Variants in HS2ST1 observed in about 807,000 individuals in gnomAD.
The protein encoded by HS2ST1 is heparan sulfate 2-O-sulfotransferase 1.
A neutral mutation model predicts 42.9 loss-of-function variants in HS2ST1; 18 were observed. The ratio of observed to expected loss-of-function variants is 0.42; its 90% CI spans 0.29 to 0.62. HS2ST1 has a LOEUF of 0.62. Among genes scored for constraint, HS2ST1 ranks in the 20% least tolerant of loss-of-function variants. The probability of loss-of-function intolerance (pLI) is 0.21; values close to 1 mark genes in which losing one functional copy is unlikely to be tolerated. For synonymous variants in HS2ST1, 146 were observed against 152.9 expected (o/e 0.95, Z 0.33); for missense variants, 334 against 433.8 (o/e 0.77, Z 2.04).
chr1:86,935,546 A>T (rs1423756970), intron 1 of HS2ST1, among the ~76,000 whole-genome samples: 4 of 133,592 alleles, frequency 3.0e-5, no homozygotes, highest in South Asian at 2.3e-4. Context: ...CACTGCAACC[A>T]CTGTCTCCAG....
intron 1 of HS2ST1, among the ~76,000 whole-genome samples, chr1:86,942,121 T>C (rs1382766245): frequency 6.6e-6 from 1 of 152,218 alleles, no homozygotes; most frequent in Non-Finnish European, 1.5e-5. Context: ...ACCTAGGCTA[T>C]AAGGAGACAC....
At position 87,073,148 on chromosome 1, in the gene HS2ST1, TC is replaced by T; in HGVS notation, c.341del (p.Pro114GlnfsTer2). The stretch of plus-strand genomic sequence containing the variant: ...TTCATATCAACACTACCAAAAATAA[TC>T]CAGTGATGTCATTGCAAGATCAGGT... Reference protein sequence around the residue: ...VLHINTTKNNPVMSLQDQVRF... With the variant: ...VLHINTTKNNXVMSLQDQVRF... On this transcript the variant is annotated frameshift_variant, in exon 2 of 7. Coordinates refer to ENST00000370550, the MANE Select transcript of HS2ST1 (RefSeq NM_012262.4). LOFTEE classifies it high-confidence loss of function. The T allele has an allele frequency of 6.2e-7, 1 of 1,609,362 alleles. No homozygotes were observed. Among genetic ancestry groups the T allele is most frequent in the Non-Finnish European group, 8.5e-7 (1 of 1,175,732 alleles).
intron 1 of HS2ST1, among the ~76,000 whole-genome samples, chr1:87,023,816 A>T (rs1650013236): frequency 6.6e-6 from 1 of 152,166 alleles, no homozygotes; most frequent in Non-Finnish European, 1.5e-5. Flanking sequence ...ATTTTTTTTC[A>T]AGCAATGACT....
At chr1:87,088,917 T>C (rs1202593855) in intron 3 of HS2ST1, among the ~76,000 whole-genome samples, 1 of 152,044 alleles carries the variant, frequency 6.6e-6, no homozygotes, top group Admixed American at 6.6e-5. Context: ...AAAGTTTCTA[T>C]GAAGCTTTAG....
At chr1:86,936,567 G>T (rs1660656958) in intron 1 of HS2ST1, among the ~76,000 whole-genome samples, 1 of 152,104 alleles carries the variant, frequency 6.6e-6, no homozygotes, top group Non-Finnish European at 1.5e-5. Flanking sequence ...CCTAAGATAG[G>T]TGTCAATATT....
Position 87,044,247 on chromosome 1 carries a change from C to CTATT in HS2ST1, c.125-28672_125-28669dup, listed in dbSNP as rs555879069. ...CTTAGCTTTCTAGTTGACACCATTACTATTTATTTATTTATTTAATTTTGT... is the reference window on the plus strand; with the variant it reads ...CTTAGCTTTCTAGTTGACACCATTACTATTTATTTATTTATTTATTTAATTTTGT... On this transcript the variant is annotated intron_variant, in intron 1 of 6. Transcript: ENST00000370550. Among the ~76,000 whole-genome samples the CTATT allele has an allele frequency of 1.4e-4, 22 of 152,024 alleles. 2 individuals carry two copies. The highest frequency in any genetic ancestry group is 9.8e-4 in the Admixed American group (15 of 15,246).
At chr1:87,044,916 A>G (rs540619165) in intron 1 of HS2ST1, 2 of 1,515,054 alleles carry the variant, frequency 1.3e-6, no homozygotes, top group South Asian at 2.5e-5. Context: ...GGCTCTGTTT[A>G]GAGGCATTTC....
Position 86,915,031 on chromosome 1 carries a change from G to C in HS2ST1, c.-6G>C. 6.2e-7 allele frequency: 1 copy of C among 1,614,132 alleles called. No homozygotes were observed. The highest frequency in any genetic ancestry group is 1.1e-5 in the South Asian group (1 of 91,082). ...CGGTATGTCTTGATCCCGAGCAGCG[G>C]GTTTCATGGGGCTCCTCAGGATTAT... On this transcript the variant is annotated 5_prime_UTR_variant, in exon 1 of 7. Coordinates refer to ENST00000370550, the MANE Select transcript of HS2ST1 (RefSeq NM_012262.4).
Position 87,104,622 on chromosome 1 carries a change from C to T in HS2ST1, c.997C>T (p.Arg333Ter), listed in dbSNP as rs867578348. Reference sequence around the variant, plus strand: ...CCAATTCATCAGAGCCCATGCCGTTCGAGAAAAAGATGGAGACCTCTACAT... The same window carrying T: ...CCAATTCATCAGAGCCCATGCCGTTTGAGAAAAAGATGGAGACCTCTACAT... ...QFQFIRAHAVREKDGDLYILA... is the reference protein window; with the variant it reads ...QFQFIRAHAV The change falls in exon 7 of 7, where the codon CGA becomes TGA. Residue 333 changes from arginine (R) to a stop codon, truncating the protein, a stop_gained. Coordinates refer to ENST00000370550, the MANE Select transcript of HS2ST1 (RefSeq NM_012262.4). LOFTEE classifies it high-confidence loss of function. The T allele has an allele frequency of 1.9e-6, 3 of 1,613,506 alleles. No individual in the cohort carries two copies. The highest frequency in any genetic ancestry group is 2.5e-6 in the Non-Finnish European group (3 of 1,179,564).
intron 1 of HS2ST1, among the ~76,000 whole-genome samples, chr1:86,950,550 A>G (rs1219532804): frequency 1.3e-5 from 2 of 152,218 alleles, no homozygotes; most frequent in East Asian, 1.9e-4. Flanking sequence ...TAATATGAAT[A>G]TTAAATTTTC....
At chr1:87,029,656 A>G (rs1347935079) in intron 1 of HS2ST1, among the ~76,000 whole-genome samples, 3 of 152,220 alleles carry the variant, frequency 2.0e-5, no homozygotes, top group Non-Finnish European at 2.9e-5. Context: ...GGGAAAATTA[A>G]TACTCAATAC....
Position 87,084,174 on chromosome 1 carries a change from A to C in HS2ST1, c.364-20A>C. 3 of 1,423,622 alleles carry C rather than the reference A, an allele frequency of 2.1e-6. No homozygotes were observed. Among genetic ancestry groups the C allele is most frequent in the Non-Finnish European group, 2.9e-6 (3 of 1,028,990 alleles). The allele number at this position is 1,423,622 out of a possible 1,614,324, so 88.2% of individuals were successfully genotyped here. A position where few individuals can be genotyped will look rare whatever the true frequency, so the allele number is the denominator to read the frequency against. On this transcript the variant is annotated intron_variant, in intron 2 of 6. Coordinates refer to ENST00000370550, the MANE Select transcript of HS2ST1 (RefSeq NM_012262.4). ...CATTTTCTTTAAATTGTATATAATG[A>C]ATGTGTTCTCCCTTTTTAGGTGCGC...
intron 1 of HS2ST1, chr1:87,045,024 C>T (rs775759217): frequency 1.1e-4 from 158 of 1,436,918 alleles, no homozygotes; most frequent in Non-Finnish European, 1.5e-4. Flanking sequence ...TTTCCTCTTG[C>T]GGCTTCTCTC....
At chr1:87,007,909 T>C (rs1178401606) in intron 1 of HS2ST1, among the ~76,000 whole-genome samples, 2 of 152,166 alleles carry the variant, frequency 1.3e-5, no homozygotes, top group African/African-American at 4.8e-5. Flanking sequence ...TAGTTTTCAG[T>C]AAAATAAAAT....
intron 1 of HS2ST1, among the ~76,000 whole-genome samples, chr1:86,972,429 G>A (rs1267258317): frequency 6.6e-6 from 1 of 152,044 alleles, no homozygotes; most frequent in Non-Finnish European, 1.5e-5. Context: ...ATAGCTCACT[G>A]TAGCCTTGAA....
chr1:86,967,940 C>T (rs1270295699), intron 1 of HS2ST1, among the ~76,000 whole-genome samples: 1 of 152,328 alleles, frequency 6.6e-6, no homozygotes, highest in East Asian at 1.9e-4. Flanking sequence ...TCTGTTTTCA[C>T]CACATCCATG....
Position 86,914,780 on chromosome 1 carries a change from G to C in HS2ST1, c.-257G>C. On this transcript the variant is annotated 5_prime_UTR_variant, in exon 1 of 7. Coordinates refer to ENST00000370550, the MANE Select transcript of HS2ST1 (RefSeq NM_012262.4). ...GGCGAGAGCCCGGCAGCCGCTTCGC[G>C]CTGTTTGCTGCGCGGGCTTTTGGAG... The C allele has an allele frequency of 1.9e-6, 1 of 523,134 alleles. No homozygotes were observed. The highest frequency in any genetic ancestry group is 5.2e-4 in the Middle Eastern group (1 of 1,908). The allele number at this position is 523,134 out of a possible 1,614,324, so 32.4% of individuals were successfully genotyped here.
intron 1 of HS2ST1, among the ~76,000 whole-genome samples, chr1:86,917,364 C>T (rs564987332): frequency 1.3e-5 from 2 of 152,146 alleles, no homozygotes; most frequent in South Asian, 2.1e-4. Flanking sequence ...ACTAAAAATA[C>T]AAAAATTAGT....
At chr1:87,035,658 A>G (rs954419322) in intron 1 of HS2ST1, among the ~76,000 whole-genome samples, 5 of 152,212 alleles carry the variant, frequency 3.3e-5, no homozygotes, top group Non-Finnish European at 7.3e-5. Context: ...ACATTCCACA[A>G]TAACCTTGCA....
Sources: gnomAD v4.1 joint callset for allele counts (sites outside exome capture counted in the v4.1 genomes callset) on GRCh38, gnomAD v4.1.1 for gene constraint, MANE v1.5 for transcripts, NCBI Gene and HGNC (gene_info 2026-07-23, HGNC 2026-07-21) for gene names.